NEMF: variants seen among roughly 807,000 people sequenced by gnomAD.
The protein encoded by NEMF is ribosome quality control complex subunit NEMF.
Under a neutral mutation model 162.2 loss-of-function variants are expected in NEMF, and 89 were observed. That is an observed-to-expected ratio of 0.55 (90% CI 0.46 to 0.65). NEMF has a LOEUF of 0.65. NEMF is among the 30% of genes least tolerant of loss of function. NEMF has a pLI of 0.00. For missense variants in NEMF, 1,133 were observed against 1,261.9 expected (o/e 0.90, Z 1.55); for synonymous variants, 421 against 404.5 (o/e 1.04, Z -0.49).
intron 19 of NEMF, 52 bp downstream of exon 19, chr14:49,805,969 G>T: frequency 8.3e-7 from 1 of 1,206,840 alleles, no homozygotes; most frequent in Non-Finnish European, 1.2e-6. Flanking sequence ...CTCAAAATTT[G>T]GCACACAGTA....
chr14:49,846,863 C>T (rs1453011331), intron 3 of NEMF, among the ~76,000 whole-genome samples: 1 of 152,144 alleles, frequency 6.6e-6, no homozygotes, highest in Non-Finnish European at 1.5e-5. Context: ...TCCTAATGAC[C>T]TCACTCATAA....
At chr14:49,814,922 C>CAAACA (rs1192082239) in intron 16 of NEMF, 65 bp from the exon 17 acceptor site, 2 of 879,900 alleles carry the variant, frequency 2.3e-6, no homozygotes, top group African/African-American at 3.5e-5. Flanking sequence ...ACCCTTTTTG[C>CAAACA]AAACAAAACA....
chr14:49,798,324 A>C (rs1017400075), intron 25 of NEMF, among the ~76,000 whole-genome samples: 4 of 152,230 alleles, frequency 2.6e-5, no homozygotes, highest in Non-Finnish European at 5.9e-5. Context: ...ATAATCCTTG[A>C]TTTAACCCAC....
At chr14:49,796,590 A>G (rs1234190865) in intron 25 of NEMF, among the ~76,000 whole-genome samples, 3 of 152,116 alleles carry the variant, frequency 2.0e-5, no homozygotes, top group Non-Finnish European at 2.9e-5. Context: ...ACCTCAGGTG[A>G]TCTATTCGCC....
chr14:49,851,648 G>A lies in NEMF; in HGVS notation c.146C>T (p.Thr49Ile), dbSNP rs1370918741. 3 of 1,613,772 alleles carry A rather than the reference G, an allele frequency of 1.9e-6. No homozygotes were observed. The East Asian group carries it at 6.7e-5, about 36-fold the overall frequency. The change falls in exon 3 of 33, where the codon ACA becomes ATA. Residue 49 changes from threonine (T) to isoleucine (I), a missense_variant. By Grantham distance (89) the Thr-to-Ile change is moderately conservative. Transcript: ENST00000298310. The part of the protein sequence containing the change: ...IRLQKPDFKA[T>I]LLLESGIRIH... ...TCGTATGCCAGATTCAAGTAAAAGT[G>A]TAGCTTTAAAGTCCGGTCTGTAGAA...
Position 49,788,276 on chromosome 14 carries a change from CAAAAAA to C in NEMF, c.2895+864_2895+869del, listed in dbSNP as rs35896786. On this transcript the variant is annotated intron_variant, in intron 28 of 32. Transcript: ENST00000298310. ...CCTGGGCAACAGAGCAAGACTGCCT[CAAAAAA>C]AAAAAAAAAAAAAATTCAAGAAGAG... Among the ~76,000 whole-genome samples, 4 of 78,562 alleles carry C rather than the reference CAAAAAA, an allele frequency of 5.1e-5. No homozygotes were observed. The South Asian group carries it at 1.5e-3, about 29-fold the overall frequency. 51.5% of individuals were successfully genotyped at this position (78,562 alleles called of 152,430 possible). A position where few individuals can be genotyped will look rare whatever the true frequency, so the allele number is the denominator to read the frequency against.
chr14:49,809,731 G>A (rs1421752854), intron 18 of NEMF, among the ~76,000 whole-genome samples: 1 of 152,072 alleles, frequency 6.6e-6, no homozygotes, highest in African/African-American at 2.4e-5. Context: ...GTGGTGGCAC[G>A]TGCCTGTTAA....
At chr14:49,814,193 A>G in intron 17 of NEMF, 143 bp from the exon 18 acceptor site, 2 of 561,832 alleles carry the variant, frequency 3.6e-6, no homozygotes, top group South Asian at 4.0e-5. Context: ...TCTGCCCCCA[A>G]GGTTCAGGCA....
intron 13 of NEMF, 100 bp downstream of exon 13, chr14:49,828,954 G>A: frequency 1.5e-6 from 2 of 1,361,714 alleles, no homozygotes; most frequent in Non-Finnish European, 2.0e-6. Flanking sequence ...CCCTTTCTTT[G>A]AGAATTTCAA....
At chr14:49,831,603 A>C (rs1892642218) in intron 10 of NEMF, among the ~76,000 whole-genome samples, 1 of 151,990 alleles carries the variant, frequency 6.6e-6, no homozygotes, top group African/African-American at 2.4e-5. Context: ...ACACACCGCT[A>C]ATTTTTGTAG....
chr14:49,830,064 T>C (rs1437686031), intron 11 of NEMF, among the ~76,000 whole-genome samples: 2 of 152,250 alleles, frequency 1.3e-5, no homozygotes, highest in African/African-American at 4.8e-5. Flanking sequence ...TCATATATAC[T>C]TTACATTTCA....
At chr14:49,851,303 T>A (rs1484337667) in intron 3 of NEMF, among the ~76,000 whole-genome samples, 2 of 152,246 alleles carry the variant, frequency 1.3e-5, no homozygotes, top group Non-Finnish European at 2.9e-5. Context: ...GTTAAGGAAC[T>A]GTAAGGCTGA....
At chr14:49,813,341 C>T (rs1478005738) in intron 18 of NEMF, among the ~76,000 whole-genome samples, 2 of 152,028 alleles carry the variant, frequency 1.3e-5, no homozygotes, top group African/African-American at 4.8e-5. Context: ...CACTCTGGTC[C>T]CAAGCATTTC....
intron 4 of NEMF, among the ~76,000 whole-genome samples, chr14:49,845,156 A>C (rs1333420343): frequency 7.5e-6 from 1 of 133,454 alleles, no homozygotes; most frequent in Non-Finnish European, 1.6e-5. Flanking sequence ...ACAGTGACAC[A>C]ATCTGAGCTC....
chr14:49,822,846 C>A (rs1892148712), intron 16 of NEMF, among the ~76,000 whole-genome samples: 1 of 151,876 alleles, frequency 6.6e-6, no homozygotes, highest in Admixed American at 6.6e-5. Flanking sequence ...TTCTGGTCTC[C>A]TATCAGTATG....
chr14:49,843,634 C>T (rs1311932593), intron 4 of NEMF, among the ~76,000 whole-genome samples: 1 of 152,214 alleles, frequency 6.6e-6, no homozygotes, highest in African/African-American at 2.4e-5. Context: ...CAAACCTAGA[C>T]GGTGTAGCCT....
intron 28 of NEMF, among the ~76,000 whole-genome samples, chr14:49,788,385 G>C (rs948807181): frequency 6.6e-6 from 1 of 151,852 alleles, no homozygotes; most frequent in Non-Finnish European, 1.5e-5. Context: ...AATCATCTTA[G>C]CTGGAAAAAT....
At chr14:49,841,046 A>G (rs151057529) in intron 4 of NEMF, among the ~76,000 whole-genome samples, 180 bp from the exon 5 acceptor site, 89 of 151,988 alleles carry the variant, frequency 5.9e-4, no homozygotes, top group Middle Eastern at 3.4e-3. Context: ...AAAATACAAA[A>G]GTTAGCCAGG....
Position 49,825,907 on chromosome 14 carries a change from G to C in NEMF, c.1537C>G (p.Gln513Glu), listed in dbSNP as rs1188773182. The stretch of plus-strand genomic sequence containing the variant: ...GCTTTTTGAATAGAGGTAACAGTCT[G>C]AACTTCTTTTAATGTTTGCTTTGTT... ...KKTKQTLKEV[Q>E]TVTSIQKARK... Residue 513 changes from glutamine (Q) to glutamate (E), a missense_variant, in exon 16 of 33, where the codon CAG becomes GAG. Physicochemically the swap from Gln to Glu is conservative, Grantham distance 29. Around this residue, in one of 3 missense-constraint regions of NEMF, gnomAD observed 582 missense variants for 631.5 expected, o/e 0.92. Coordinates refer to ENST00000298310, the MANE Select transcript of NEMF (RefSeq NM_004713.6). The C allele has an allele frequency of 1.2e-6, 2 of 1,611,124 alleles. No individual in the cohort carries two copies. Among genetic ancestry groups the C allele is most frequent in the African/African-American group, 2.7e-5 (2 of 74,846 alleles).
Sources: gnomAD v4.1 joint callset for allele counts (sites outside exome capture counted in the v4.1 genomes callset) on GRCh38, gnomAD v4.1.1 for gene constraint, gnomAD v4.1.1 regional missense constraint, MANE v1.5 for transcripts, NCBI Gene and HGNC (gene_info 2026-07-23, HGNC 2026-07-21) for gene names.